GLIS3: variants seen among roughly 807,000 people sequenced by gnomAD.
GLIS3 encodes the protein GLIS family zinc finger 3, also known as zinc finger protein GLIS3.
Under a neutral mutation model 78.6 loss-of-function variants are expected in GLIS3, and 53 were observed. The ratio of observed to expected loss-of-function variants is 0.67; its 90% CI spans 0.54 to 0.85. GLIS3 has a LOEUF of 0.85. Ranked by LOEUF, GLIS3 falls within the 40% of genes least tolerant of loss-of-function variation. GLIS3 has a pLI of 0.00. For missense variants in GLIS3, 1,703 were observed against 1,231.1 expected, an observed-to-expected ratio of 1.38 and a Z score of -5.74; for synonymous variants, 684 against 509.9, an observed-to-expected ratio of 1.34 and a Z score of -4.60.
intron 2 of GLIS3, among the ~76,000 whole-genome samples, chr9:4,285,301 G>A (rs915102606): frequency 1.2e-4 from 18 of 151,926 alleles, no homozygotes; most frequent in African/African-American, 3.6e-4. Flanking sequence ...CTAATGTGTC[G>A]CTCAAATAAC....
At chr9:4,026,733 T>C (rs1823382026) in intron 4 of GLIS3, among the ~76,000 whole-genome samples, 1 of 152,212 alleles carries the variant, frequency 6.6e-6, no homozygotes, top group African/African-American at 2.4e-5. Flanking sequence ...AGATATGCAT[T>C]AAAGCACTTC....
At chr9:4,359,470 A>G in the GLIS3 span, among the ~76,000 whole-genome samples, 25 of 151,946 alleles carry the variant, frequency 1.6e-4, no homozygotes, top group Admixed American at 1.2e-3. Flanking sequence ...CTTTCAGCTG[A>G]CCCCTTGGTG....
At chr9:4,489,563 G>T in the GLIS3 span, among the ~76,000 whole-genome samples, 1 of 152,040 alleles carries the variant, frequency 6.6e-6, no homozygotes, top group Admixed American at 6.6e-5. Context: ...GAAAAAATTG[G>T]GTAGAAAAAT....
chr9:4,294,886 G>C (rs1587344387), intron 1 of GLIS3, among the ~76,000 whole-genome samples: 1 of 152,220 alleles, frequency 6.6e-6, no homozygotes, highest in East Asian at 1.9e-4. Flanking sequence ...GAAAAACATG[G>C]TGTAAGTGAA....
In GLIS3 at chr9:4,118,236, C is replaced by G. The variant is rs760581379; in HGVS notation, c.1242G>C (p.Gln414His). 2 of 1,590,408 alleles carry G rather than the reference C, an allele frequency of 1.3e-6. No homozygotes were observed. The highest frequency in any genetic ancestry group is 8.6e-7 in the Non-Finnish European group (1 of 1,168,806). ...GGCTGTCGGGGCCCGGCAGGCCATG[C>G]TGCACCACCATGTGGTTGACCAGGC... ...QPGLVNHMVV[Q>H]HGLPGPDSQS... Residue 414 changes from glutamine (Q) to histidine (H), a missense_variant, in exon 4 of 11, where the codon CAG becomes CAC. Coordinates refer to ENST00000381971, the MANE Select transcript of GLIS3 (RefSeq NM_001042413.2). The surrounding 1 kb of genome is among the most constrained non-coding windows in gnomAD (Gnocchi z 4.7).
At chr9:4,489,681 G>C in the GLIS3 span, among the ~76,000 whole-genome samples, 1 of 152,146 alleles carries the variant, frequency 6.6e-6, no homozygotes, top group South Asian at 2.1e-4. Flanking sequence ...GGGATGGACC[G>C]CCCACTTTCT....
intron 4 of GLIS3, among the ~76,000 whole-genome samples, chr9:4,115,071 G>A (rs757709408): frequency 6.6e-5 from 10 of 152,112 alleles, no homozygotes; most frequent in East Asian, 3.8e-4. Context: ...TAAGCAAGCC[G>A]TCACTGAGTA....
At chr9:4,407,166 C>A in the GLIS3 span, among the ~76,000 whole-genome samples, 2 of 152,156 alleles carry the variant, frequency 1.3e-5, no homozygotes, top group Non-Finnish European at 2.9e-5. Flanking sequence ...TCATTTTCAA[C>A]AAAGGTACCA....
chr9:3,992,025 A>C (rs1002139488), intron 4 of GLIS3, among the ~76,000 whole-genome samples: 2 of 152,138 alleles, frequency 1.3e-5, no homozygotes, highest in African/African-American at 4.8e-5. Flanking sequence ...ACTGTATCTT[A>C]AGGCCAATTA....
At chr9:4,215,145 A>G (rs574535156) in intron 2 of GLIS3, among the ~76,000 whole-genome samples, 1 of 152,332 alleles carries the variant, frequency 6.6e-6, no homozygotes, top group South Asian at 2.1e-4. Flanking sequence ...ACAAAACTCT[A>G]AGACCACTTC....
chr9:4,082,507 C>G (rs961526606), intron 4 of GLIS3, among the ~76,000 whole-genome samples: 1 of 152,154 alleles, frequency 6.6e-6, no homozygotes. Context: ...GAAAAACAAC[C>G]TATCTTATGA....
intron 2 of GLIS3, among the ~76,000 whole-genome samples, chr9:4,251,429 CTTTT>C (rs55764240): frequency 1.3e-4 from 5 of 39,716 alleles, no homozygotes; most frequent in Admixed American, 3.3e-4. Flanking sequence ...GGATTGCAAT[CTTTT>C]TTTTTTTTTT....
At chr9:4,479,000 G>C in the GLIS3 span, among the ~76,000 whole-genome samples, 1 of 152,296 alleles carries the variant, frequency 6.6e-6, no homozygotes, top group African/African-American at 2.4e-5. Flanking sequence ...GAAGGAATTA[G>C]CCAAATCCAG....
rs536985732 is a variant in GLIS3 at position 4,098,347 on chromosome 9, G to T, written c.1710+19421C>A. ...CTGTGACACAAGAATTACTAATGGG[G>T]GGCTGGAAATAATGAATGGAGGAGT... On this transcript the variant is annotated intron_variant, in intron 4 of 10. Transcript: ENST00000381971. Among the ~76,000 whole-genome samples, 6 of 152,262 alleles carry T rather than the reference G, an allele frequency of 3.9e-5. No homozygotes were observed. The South Asian group carries it at 1.2e-3, about 32-fold the overall frequency.
At chr9:4,414,673 C>T in the GLIS3 span, among the ~76,000 whole-genome samples, 1 of 152,014 alleles carries the variant, frequency 6.6e-6, no homozygotes, top group South Asian at 2.1e-4. Flanking sequence ...GTTGCTCAAC[C>T]ACCTCCTCCT....
chr9:4,216,719 G>T (rs944118591), intron 2 of GLIS3, among the ~76,000 whole-genome samples: 1 of 152,190 alleles, frequency 6.6e-6, no homozygotes. Flanking sequence ...ATGTGGCCTA[G>T]GATTCAGGTT....
At chr9:4,146,925 A>G (rs111559706) in intron 2 of GLIS3, among the ~76,000 whole-genome samples, 5 of 152,202 alleles carry the variant, frequency 3.3e-5, no homozygotes, top group African/African-American at 1.2e-4. Context: ...TTTAAAAACT[A>G]TCTTGCTATT....
chr9:4,045,994 A>G (rs1330712648), intron 4 of GLIS3, among the ~76,000 whole-genome samples: 1 of 152,206 alleles, frequency 6.6e-6, no homozygotes, highest in Non-Finnish European at 1.5e-5. Context: ...ATGACAAGAC[A>G]GAACAAAAAG....
chr9:3,994,922 A>G (rs1329876739), intron 4 of GLIS3, among the ~76,000 whole-genome samples: 1 of 152,160 alleles, frequency 6.6e-6, no homozygotes, highest in East Asian at 1.9e-4. Context: ...AGCAAACAAA[A>G]AGCCCAGCAA....
Sources: allele counts gnomAD v4.1 joint callset (sites outside exome capture counted in the v4.1 genomes callset), GRCh38; gene constraint gnomAD v4.1.1; non-coding constraint Gnocchi (gnomAD v3.1); transcripts MANE v1.5; gene names NCBI Gene and HGNC (gene_info 2026-07-23, HGNC 2026-07-21).